ANO1: variants seen among roughly 807,000 people sequenced by gnomAD.
ANO1 encodes the protein anoctamin 1, also known as anoctamin-1.
ANO1 carries 59 observed loss-of-function variants against 124.0 expected under a neutral mutation model. The ratio of observed to expected loss-of-function variants is 0.48; its 90% CI spans 0.39 to 0.59. The LOEUF is 0.59. ANO1 is among the 20% of genes least tolerant of loss of function. ANO1 has a pLI of 0.00. For missense variants in ANO1, 1,059 were observed against 1,328.0 expected, an observed-to-expected ratio of 0.80 and a Z score of 3.15; for synonymous variants, 529 against 532.0, an observed-to-expected ratio of 0.99 and a Z score of 0.08.
At chr11:70,166,277 C>T (rs189260986) in intron 20 of ANO1, among the ~76,000 whole-genome samples, 3 of 152,160 alleles carry the variant, frequency 2.0e-5, no homozygotes, top group Admixed American at 6.5e-5. Context: ...GAGATCGCAC[C>T]ACTGCACTCC....
intron 2 of ANO1, among the ~76,000 whole-genome samples, chr11:70,090,126 T>A (rs565567917): frequency 6.6e-6 from 1 of 152,274 alleles, no homozygotes; most frequent in South Asian, 2.1e-4. Context: ...AGTTCACGCC[T>A]TCTCCTGCCT....
At chr11:70,095,384 AAGAAAG>A (rs1394984375) in intron 2 of ANO1, among the ~76,000 whole-genome samples, 18 of 35,860 alleles carry the variant, frequency 5.0e-4, no homozygotes, top group Admixed American at 2.8e-3. Flanking sequence ...GAAAGAAAGA[AAGAAAG>A]AAAGAAAGAA....
chr11:70,004,090 AC>A (rs1225723152), intron 1 of ANO1, among the ~76,000 whole-genome samples: 1 of 152,100 alleles, frequency 6.6e-6, no homozygotes, highest in East Asian at 1.9e-4. Flanking sequence ...CCAGGAGCCC[AC>A]CAGGGGCTCC....
chr11:69,977,246 G>T, the ANO1 span, among the ~76,000 whole-genome samples: 18 of 152,262 alleles, frequency 1.2e-4, no homozygotes, highest in South Asian at 3.7e-3. Flanking sequence ...CTGTGTGCAC[G>T]GTCAGTCAGA....
At chr11:70,161,133 A>C (rs766802879) in intron 16 of ANO1, 28 bp from the exon 17 acceptor site, 1 of 1,599,732 alleles carries the variant, frequency 6.3e-7, no homozygotes, top group Non-Finnish European at 8.5e-7. Context: ...TGGGCCCCCA[A>C]CCAAGAGTGC....
chr11:70,046,102 A>T lies in ANO1; in HGVS notation c.59-32440A>T, dbSNP rs12574033. ...GGGATGAGCAAAAAGGACTCGATGC[A>T]TGACAGAGGTGCAGGAATAATTATG... On this transcript the variant is annotated intron_variant, in intron 1 of 27. Transcript: ENST00000531349. Among the ~76,000 whole-genome samples the T allele has an allele frequency of 1.8e-3, 271 of 152,314 alleles. 2 individuals carry two copies. In the East Asian group the frequency reaches 0.048, roughly 27 times the overall value.
Position 70,161,238 on chromosome 11 carries a change from C to A in ANO1, c.1656C>A (p.Ser552=). Residue 552 remains serine, a synonymous_variant, in exon 17 of 26, where the codon TCC becomes TCA. Coordinates refer to ENST00000355303, the MANE Select transcript of ANO1 (RefSeq NM_018043.7). The stretch of plus-strand genomic sequence containing the variant: ...TGGCCGCCGCCTTGGCCATGAACTC[C>A]TCCCCCTCCGTGCGGTCCAACATCC... The part of the protein sequence containing the change: ...ISMAAALAMN[S]SPSVRSNIRV... 6.8e-6 allele frequency: 11 copies of A among 1,613,970 alleles called. No individual in the cohort carries two copies. The highest frequency in any genetic ancestry group is 9.3e-6 in the Non-Finnish European group (11 of 1,179,832).
intron 5 of ANO1, chr11:70,108,123 T>G (rs2045631473): frequency 2.1e-6 from 1 of 478,424 alleles, no homozygotes; most frequent in Admixed American, 3.2e-5. Flanking sequence ...AGATGGGAAC[T>G]GCAGGTGCAC....
chr11:69,977,428 G>C, the ANO1 span, among the ~76,000 whole-genome samples: 1 of 152,246 alleles, frequency 6.6e-6, no homozygotes, highest in African/African-American at 2.4e-5. Flanking sequence ...GCACCTGGGC[G>C]TGCTGCCGAC....
rs562071680 is a variant in ANO1 at position 70,121,680 on chromosome 11, G to A, written c.898-2670G>A. 7.2e-4 allele frequency among the ~76,000 whole-genome samples: 41 copies of A among 56,684 alleles called. 1 individual carries two copies. Among genetic ancestry groups the A allele is most frequent in the East Asian group, 2.2e-3 (4 of 1,834 alleles). The allele number at this position is 56,684 out of a possible 152,430, so 37.2% of individuals were successfully genotyped here. A position where few individuals can be genotyped will look rare whatever the true frequency, so the allele number is the denominator to read the frequency against. Reference sequence around the variant, plus strand: ...TCCATCTGCCTCTGTCTCTCTCTCCGTCTCCCCCACCTCTCTCTGTCTGTC... The same window carrying A: ...TCCATCTGCCTCTGTCTCTCTCTCCATCTCCCCCACCTCTCTCTGTCTGTC... On this transcript the variant is annotated intron_variant, in intron 8 of 25. Transcript: ENST00000355303.
intron 1 of ANO1, among the ~76,000 whole-genome samples, chr11:70,084,305 C>T (rs892986398): frequency 6.6e-6 from 1 of 152,162 alleles, no homozygotes; most frequent in African/African-American, 2.4e-5. Flanking sequence ...CACCTTTAGT[C>T]ACCAGCTCCC....
rs890300842 is a variant in ANO1, at chr11:70,110,444, C to A, written c.800-1263C>A. 5.3e-5 allele frequency among the ~76,000 whole-genome samples: 8 copies of A among 152,256 alleles called. No homozygotes were observed. The East Asian group carries it at 1.5e-3, about 29-fold the overall frequency. ...CTCGTGATCCACCTGCCTCAACCCC[C>A]CAAAGTGCTGGGATTACAGGCGTGA... On this transcript the variant is annotated intron_variant, in intron 6 of 25. Transcript: ENST00000355303.
At chr11:70,096,771 G>C (rs954973521) in intron 2 of ANO1, among the ~76,000 whole-genome samples, 4 of 152,180 alleles carry the variant, frequency 2.6e-5, no homozygotes, top group African/African-American at 9.6e-5. Flanking sequence ...TGAGGCGGGA[G>C]AATTGCTGGA....
At chr11:70,163,505 G>A (rs1406134164) in intron 19 of ANO1, 165 bp downstream of exon 19, 9 of 805,854 alleles carry the variant, frequency 1.1e-5, no homozygotes, top group Admixed American at 6.1e-5. Flanking sequence ...GTGGTGGGGT[G>A]GGCTTTAATC....
intron 12 of ANO1, among the ~76,000 whole-genome samples, chr11:70,151,460 GA>G (rs373269049): frequency 1.2e-3 from 177 of 148,492 alleles, no homozygotes; most frequent in African/African-American, 4.1e-3. Flanking sequence ...GATTCAAATA[GA>G]AAAAAAAAAG....
chr11:70,097,260 C>T lies in ANO1; in HGVS notation c.442-5806C>T, dbSNP rs57554504. Among the ~76,000 whole-genome samples the T allele has an allele frequency of 8.2e-3, 1,248 of 152,298 alleles. 22 individuals carry two copies. The highest frequency in any genetic ancestry group is 0.028 in the African/African-American group (1,144 of 41,546). On this transcript the variant is annotated intron_variant, in intron 2 of 25. Coordinates refer to ENST00000355303, the MANE Select transcript of ANO1 (RefSeq NM_018043.7). ...GGAAGAGCAGTGGCGCCTGATCCAC[C>T]CACGGCTGCATTCCTTGGGTCCTCA...
chr11:70,036,063 G>A (rs536830491), intron 1 of ANO1, among the ~76,000 whole-genome samples: 2 of 152,292 alleles, frequency 1.3e-5, no homozygotes, highest in East Asian at 3.9e-4. Context: ...TCCTGAGACT[G>A]TTGTAACAAA....
At chr11:69,999,031 CAAAA>C (rs141040946) in intron 1 of ANO1, among the ~76,000 whole-genome samples, 15 of 128,148 alleles carry the variant, frequency 1.2e-4, no homozygotes, top group East Asian at 2.2e-4. Context: ...GAGACTGTCT[CAAAA>C]AAAAAAAAAA....
intron 1 of ANO1, among the ~76,000 whole-genome samples, chr11:70,003,536 C>T (rs1856423298): frequency 6.7e-6 from 1 of 149,880 alleles, no homozygotes; most frequent in African/African-American, 2.5e-5. Flanking sequence ...GCATATCACC[C>T]TTTATGTCCA....
Sources: gnomAD v4.1 joint callset for allele counts (sites outside exome capture counted in the v4.1 genomes callset) on GRCh38, gnomAD v4.1.1 for gene constraint, MANE v1.5 for transcripts, NCBI Gene and HGNC (gene_info 2026-07-23, HGNC 2026-07-21) for gene names.